The following PACRG variants were observed in gnomAD, a reference collection of about 807,000 sequenced individuals.
PACRG encodes parkin coregulated gene protein.
In PACRG, 29 loss-of-function variants were observed where a neutral mutation model predicts 29.7. That is an observed-to-expected ratio of 0.98 (90% confidence interval 0.73 to 1.33). PACRG has a LOEUF of 1.33. PACRG is among the 40% of genes most tolerant of loss of function. The pLI is 0.00. For synonymous variants in PACRG, 116 were observed against 118.7 expected (o/e 0.98, Z 0.15); for missense variants, 279 against 316.2 (o/e 0.88, Z 0.89).
intron 3 of PACRG, among the ~76,000 whole-genome samples, chr6:163,064,204 A>G (rs759178512): frequency 6.6e-6 from 1 of 151,986 alleles, no homozygotes; most frequent in African/African-American, 2.4e-5. Context: ...TAATATTTTG[A>G]TTATGTTGTC....
At chr6:162,852,489 G>T (rs751007555) in intron 2 of PACRG, among the ~76,000 whole-genome samples, 1 of 152,170 alleles carries the variant, frequency 6.6e-6, no homozygotes, top group Non-Finnish European at 1.5e-5. Flanking sequence ...CTGAACCCTG[G>T]CAGGTAGAGA....
chr6:163,142,786 A>G (rs1326544417), intron 4 of PACRG, among the ~76,000 whole-genome samples: 1 of 152,182 alleles, frequency 6.6e-6, no homozygotes, highest in East Asian at 1.9e-4. Flanking sequence ...AGGGCACTGC[A>G]CCCTGTGATA....
chr6:162,821,889 C>A (rs966994247), intron 2 of PACRG, among the ~76,000 whole-genome samples: 1 of 152,164 alleles, frequency 6.6e-6, no homozygotes, highest in Non-Finnish European at 1.5e-5. Flanking sequence ...CAAATGGAAT[C>A]AGATTGGCAG....
At chr6:162,912,822 G>A (rs557520918) in intron 2 of PACRG, among the ~76,000 whole-genome samples, 5 of 151,084 alleles carry the variant, frequency 3.3e-5, no homozygotes, top group Middle Eastern at 6.8e-3. Flanking sequence ...TGCCTGCCTC[G>A]GCTTCCCAAA....
At chr6:163,305,242 C>T (rs532504740) in intron 4 of PACRG, among the ~76,000 whole-genome samples, 11 of 152,240 alleles carry the variant, frequency 7.2e-5, no homozygotes, top group Admixed American at 2.6e-4. Context: ...TCCTACTCTT[C>T]GTAGAGAATG....
At chr6:162,752,546 C>T (rs1290085267) in intron 1 of PACRG, among the ~76,000 whole-genome samples, 1 of 152,070 alleles carries the variant, frequency 6.6e-6, no homozygotes, top group African/African-American at 2.4e-5. Flanking sequence ...AAAATATTCC[C>T]AAAGCCCCAC....
chr6:163,069,632 A>G (rs59422284), intron 3 of PACRG, among the ~76,000 whole-genome samples: 26,168 of 132,972 alleles, frequency 0.2, 2,556 homozygotes, highest in East Asian at 0.45. Context: ...AAAAAAGAAT[A>G]TAAAATAATG....
intron 2 of PACRG, among the ~76,000 whole-genome samples, chr6:162,882,632 A>G (rs1169897973): frequency 1.3e-5 from 2 of 152,176 alleles, no homozygotes; most frequent in African/African-American, 4.8e-5. Context: ...CCTGAGGAGT[A>G]GGCAAGCTGG....
At chr6:163,299,703 A>AC (rs1171057730) in intron 4 of PACRG, among the ~76,000 whole-genome samples, 14 of 152,224 alleles carry the variant, frequency 9.2e-5, no homozygotes, top group African/African-American at 3.4e-4. Context: ...ACATAGTGAA[A>AC]CCCCGTCTCT....
At chr6:163,106,110 C>A (rs1245265367) in intron 4 of PACRG, among the ~76,000 whole-genome samples, 1 of 152,048 alleles carries the variant, frequency 6.6e-6, no homozygotes, top group Non-Finnish European at 1.5e-5. Context: ...AAGAAAGTAT[C>A]CTTCCTCTAA....
intron 4 of PACRG, among the ~76,000 whole-genome samples, chr6:163,135,658 G>C (rs942967761): frequency 8.5e-5 from 13 of 152,170 alleles, no homozygotes; most frequent in Non-Finnish European, 1.6e-4. Context: ...GTGATTTTAA[G>C]GTAAATACCT....
At chr6:162,737,009 A>T (rs1225396835) in intron 1 of PACRG, among the ~76,000 whole-genome samples, 1 of 152,148 alleles carries the variant, frequency 6.6e-6, no homozygotes, top group African/African-American at 2.4e-5. Flanking sequence ...TTCTATAAAA[A>T]GTTTTTTCTG....
At chr6:162,733,893 C>G (rs1779964455) in intron 1 of PACRG, among the ~76,000 whole-genome samples, 1 of 151,580 alleles carries the variant, frequency 6.6e-6, no homozygotes, top group Non-Finnish European at 1.5e-5. Flanking sequence ...TCCCATCTCC[C>G]TTCCCTGTTT....
intron 2 of PACRG, among the ~76,000 whole-genome samples, chr6:162,873,911 G>T (rs1257008523): frequency 1.3e-5 from 2 of 152,100 alleles, no homozygotes; most frequent in Non-Finnish European, 2.9e-5. Context: ...TTCACTCTTA[G>T]ATTCCTTGTA....
Position 162,812,545 on chromosome 6 carries a change from T to A in PACRG, c.157-1602T>A, listed in dbSNP as rs115847442. Among the ~76,000 whole-genome samples, 186 of 152,146 alleles carry A rather than the reference T, an allele frequency of 1.2e-3. 1 individual carries two copies. The highest frequency in any genetic ancestry group is 4.0e-3 in the African/African-American group (166 of 41,570). On this transcript the variant is annotated intron_variant, in intron 1 of 4. Coordinates refer to ENST00000366888, the MANE Select transcript of PACRG (RefSeq NM_001080379.2). ...GTTAAAATGGTGCCATATTGGTAGA[T>A]GTTACCATCTACCTTTTCTAAAAAA...
intron 4 of PACRG, among the ~76,000 whole-genome samples, chr6:163,293,349 A>G (rs1784680703): frequency 6.6e-6 from 1 of 152,246 alleles, no homozygotes. Flanking sequence ...GGTTTGGAAC[A>G]TCCAGAGGCC....
intron 2 of PACRG, among the ~76,000 whole-genome samples, chr6:162,976,605 C>T (rs2128166379): frequency 6.6e-6 from 1 of 152,216 alleles, no homozygotes; most frequent in East Asian, 1.9e-4. Context: ...GTGTGGTATC[C>T]AGATTAAGTA....
chr6:162,772,535 A>C (rs1783302629), intron 1 of PACRG, among the ~76,000 whole-genome samples: 1 of 152,224 alleles, frequency 6.6e-6, no homozygotes, highest in Admixed American at 6.5e-5. Context: ...AGGTTAGAAC[A>C]CATTTTGAAA....
At chr6:162,750,285 G>A (rs1046858881) in intron 1 of PACRG, among the ~76,000 whole-genome samples, 1 of 152,158 alleles carries the variant, frequency 6.6e-6, no homozygotes, top group African/African-American at 2.4e-5. Context: ...TAGTCTGTGA[G>A]TTTTGAAAAT....
Sources: gnomAD v4.1 joint callset for allele counts (sites outside exome capture counted in the v4.1 genomes callset) on GRCh38, gnomAD v4.1.1 for gene constraint, MANE v1.5 for transcripts, NCBI Gene and HGNC (gene_info 2026-07-23, HGNC 2026-07-21) for gene names.